Variants in SMIM8 observed in about 807,000 individuals in gnomAD.
SMIM8 encodes UPF0708 protein C6orf162.
A neutral mutation model predicts 8.1 loss-of-function variants in SMIM8; 8 were observed. The observed-to-expected ratio is 0.99, with a 90% CI of 0.58 to 1.78. The LOEUF is 1.78. Among genes scored for constraint, SMIM8 ranks in the 40% most tolerant of loss-of-function variants. The pLI is 0.00. For missense variants in SMIM8, 126 were observed against 119.8 expected (o/e 1.05, Z -0.24); for synonymous variants, 45 against 39.7 (o/e 1.13, Z -0.50).
intron 1 of SMIM8, among the ~76,000 whole-genome samples, chr6:87,326,461 T>G (rs992160663): frequency 3.3e-5 from 5 of 152,310 alleles, no homozygotes; most frequent in African/African-American, 7.2e-5. Context: ...ATTCTGGTAT[T>G]TTGTGTCTTT....
chr6:87,333,067 T>C (rs376633), intron 2 of SMIM8, among the ~76,000 whole-genome samples: 65,219 of 152,118 alleles, frequency 0.43, 14,397 homozygotes, highest in Non-Finnish European at 0.48. Flanking sequence ...TTCTGCAGGC[T>C]GTACAGGAAG....
At chr6:87,339,776 T>G (rs73754199) in intron 3 of SMIM8, among the ~76,000 whole-genome samples, 2,793 of 152,240 alleles carry the variant, frequency 0.018, 82 homozygotes, top group African/African-American at 0.063. Context: ...GCTCCTCCAC[T>G]TCACCCAGAT....
chr6:87,329,077 T>A (rs1776923430), intron 1 of SMIM8: 1 of 153,052 alleles, frequency 6.5e-6, no homozygotes, highest in Non-Finnish European at 1.5e-5. Flanking sequence ...CCCTTGCACT[T>A]CCCGAGTGAG....
At chr6:87,327,875 G>A (rs375984526) in intron 1 of SMIM8, among the ~76,000 whole-genome samples, 282 of 148,626 alleles carry the variant, frequency 1.9e-3, no homozygotes, top group African/African-American at 6.4e-3. Context: ...CATTCTCCCC[G>A]TCACTTTCAG....
rs754921104 is a variant in SMIM8, at chr6:87,337,087, A to C, written c.56A>C (p.Glu19Ala). 5 of 1,613,232 alleles carry C rather than the reference A, an allele frequency of 3.1e-6. No homozygotes were observed. The East Asian group carries it at 6.7e-5, about 22-fold the overall frequency. The change falls in exon 3 of 4, where the codon GAG (glutamate) becomes GCG (alanine). Residue 19 changes from glutamate to alanine, a missense_variant. Transcript: ENST00000392863. ...AAAAAGGAACCACCCAAAGAGAAAGAGTTTCAAAGCCCAGGGCTCAGAGGG... is the reference window on the plus strand; with the variant it reads ...AAAAAGGAACCACCCAAAGAGAAAGCGTTTCAAAGCCCAGGGCTCAGAGGG... ...TFKKEPPKEK[E>A]FQSPGLRGVR...
chr6:87,328,679 T>C (rs529012175), intron 1 of SMIM8, among the ~76,000 whole-genome samples: 2 of 152,236 alleles, frequency 1.3e-5, no homozygotes, highest in South Asian at 4.1e-4. Flanking sequence ...GACATTTAAG[T>C]CTGCAGAGGA....
At chr6:87,336,115 G>A (rs1200657437) in intron 2 of SMIM8, among the ~76,000 whole-genome samples, 1 of 152,034 alleles carries the variant, frequency 6.6e-6, no homozygotes, top group African/African-American at 2.4e-5. Flanking sequence ...AACATTTACT[G>A]TACAGCGATT....
intron 1 of SMIM8, among the ~76,000 whole-genome samples, chr6:87,328,846 C>T (rs2127919162): frequency 6.6e-6 from 1 of 152,348 alleles, no homozygotes; most frequent in East Asian, 1.9e-4. Flanking sequence ...CGCCCCTCCC[C>T]CAGCCTCACT....
At chr6:87,330,151 T>C (rs1010732781) in intron 1 of SMIM8, among the ~76,000 whole-genome samples, 4 of 152,186 alleles carry the variant, frequency 2.6e-5, no homozygotes, top group Middle Eastern at 3.2e-3. Context: ...TGCCCCAAAG[T>C]TCAAGTTAGT....
chr6:87,341,560 C>T lies in SMIM8; in HGVS notation c.*1286C>T, dbSNP rs1777235774. The T allele has an allele frequency of 5.7e-6, 2 of 351,250 alleles. No individual in the cohort carries two copies. Among genetic ancestry groups the T allele is most frequent in the Admixed American group, 9.4e-5 (2 of 21,360 alleles). The allele number at this position is 351,250 out of a possible 1,614,324, so 21.8% of individuals were successfully genotyped here. A position where few individuals can be genotyped will look rare whatever the true frequency, so the allele number is the denominator to read the frequency against. On this transcript the variant is annotated 3_prime_UTR_variant, in exon 4 of 4. Coordinates refer to ENST00000392863, the MANE Select transcript of SMIM8 (RefSeq NM_001042493.3). Reference sequence around the variant, plus strand: ...AGTAAATCTTACCTCTGAAGTCTTGCTTCAGTCGCTATTAATATTACCAAG... The same window carrying T: ...AGTAAATCTTACCTCTGAAGTCTTGTTTCAGTCGCTATTAATATTACCAAG...
chr6:87,334,596 G>A (rs75815464), intron 2 of SMIM8, among the ~76,000 whole-genome samples: 10,639 of 152,088 alleles, frequency 0.07, 454 homozygotes, highest in Middle Eastern at 0.13. Context: ...GAGCCACCCC[G>A]CCCAGCCTGA....
At chr6:87,328,458 T>C (rs1776895986) in intron 1 of SMIM8, among the ~76,000 whole-genome samples, 1 of 151,892 alleles carries the variant, frequency 6.6e-6, no homozygotes. Context: ...GTTTGTTAGT[T>C]TTCCTTCTAA....
chr6:87,330,753 A>G (rs959279305), intron 2 of SMIM8, 41 bp downstream of exon 2: 3 of 151,852 alleles, frequency 2.0e-5, no homozygotes, highest in African/African-American at 7.3e-5. Context: ...TGAAGCAAAT[A>G]CCCCTTAGTT....
intron 2 of SMIM8, among the ~76,000 whole-genome samples, chr6:87,332,074 C>G (rs1431319586): frequency 6.6e-6 from 1 of 151,730 alleles, no homozygotes; most frequent in African/African-American, 2.4e-5. Context: ...TTTATTGATT[C>G]ATTATAAAGG....
In SMIM8 at chr6:87,340,325, A is replaced by G. The variant is rs369404299; in HGVS notation, c.*51A>G. The G allele has an allele frequency of 1.8e-4, 267 of 1,476,748 alleles. No individual in the cohort carries two copies. Among genetic ancestry groups the G allele is most frequent in the Admixed American group, 3.0e-4 (12 of 40,438 alleles). 91.5% of individuals were successfully genotyped at this position (1,476,748 alleles called of 1,614,324 possible). The stretch of plus-strand genomic sequence containing the variant: ...TTTATTAAAGGTTCTGAAATCTTCA[A>G]ATGAAAGACCTTGTGAGTGTACAGT... On this transcript the variant is annotated 3_prime_UTR_variant, in exon 4 of 4. Transcript: ENST00000392863.
chr6:87,328,741 A>G (rs1025236639), intron 1 of SMIM8, among the ~76,000 whole-genome samples: 3 of 152,226 alleles, frequency 2.0e-5, no homozygotes, highest in South Asian at 4.1e-4. Flanking sequence ...TGGAGCCTAC[A>G]GAGGCAGGCA....
intron 2 of SMIM8, among the ~76,000 whole-genome samples, chr6:87,335,401 G>T (rs1176732076): frequency 6.6e-6 from 1 of 152,164 alleles, no homozygotes; most frequent in Admixed American, 6.5e-5. Context: ...GAAAGCCGTG[G>T]TGATAGCGAT....
intron 2 of SMIM8, among the ~76,000 whole-genome samples, chr6:87,333,762 CATG>C (rs1210668869): frequency 6.6e-6 from 1 of 152,182 alleles, no homozygotes; most frequent in Admixed American, 6.5e-5. Context: ...ACTGTTTTTG[CATG>C]ATATCAGGTT....
intron 2 of SMIM8, among the ~76,000 whole-genome samples, chr6:87,332,592 G>A (rs1777019750): frequency 6.6e-6 from 1 of 150,588 alleles, no homozygotes; most frequent in Admixed American, 6.6e-5. Context: ...TGGACATCAG[G>A]TGTGGAGTGA....
Sources: gnomAD v4.1 joint callset for allele counts (sites outside exome capture counted in the v4.1 genomes callset) on GRCh38, gnomAD v4.1.1 for gene constraint, MANE v1.5 for transcripts, NCBI Gene and HGNC (gene_info 2026-07-23, HGNC 2026-07-21) for gene names.